Variants in PCDH15 observed in about 807,000 individuals in gnomAD.
The protein encoded by PCDH15 is protocadherin-15.
PCDH15 carries 129 observed loss-of-function variants against 178.5 expected under a neutral mutation model. That is an observed-to-expected ratio of 0.72 (90% CI 0.63 to 0.84). The LOEUF is 0.84. Ranked by LOEUF, PCDH15 falls within the 40% of genes least tolerant of loss-of-function variation. PCDH15 has a pLI of 0.00. For synonymous variants in PCDH15, 800 were observed against 732.0 expected (o/e 1.09, Z -1.50); for missense variants, 2,230 against 2,099.9 (o/e 1.06, Z -1.21).
Position 54,503,975 on chromosome 10 carries a change from G to A in PCDH15, c.157+23837C>T, listed in dbSNP as rs980313782. ...TTCCTCTTAAATGTGAACTGACCGT[G>A]GTGGTCCAATCCTAAAATCTCACTT... On this transcript the variant is annotated intron_variant, in intron 3 of 37. Transcript: ENST00000644397. Among the ~76,000 whole-genome samples the A allele has an allele frequency of 4.6e-5, 7 of 152,160 alleles. No homozygotes were observed. The South Asian group carries it at 1.0e-3, about 23-fold the overall frequency.
At position 53,805,829 on chromosome 10, in the gene PCDH15, A is replaced by AAAC. The variant is rs1202344668; in HGVS notation, c.*747_*749dup. On this transcript the variant is annotated 3_prime_UTR_variant, in exon 38 of 38. Transcript: ENST00000644397. ...AAGGGTGAGATTTCCATGTTGCTCCAAACAATTATTTAACCTCAAGTGATT... is the reference window on the plus strand; with the variant it reads ...AAGGGTGAGATTTCCATGTTGCTCCAAACAACAATTATTTAACCTCAAGTGATT... 1 of 152,098 alleles carries AAAC rather than the reference A, an allele frequency of 6.6e-6. No homozygotes were observed. Among genetic ancestry groups the AAAC allele is most frequent in the Non-Finnish European group, 1.5e-5 (1 of 68,012 alleles). The allele number at this position is 152,098 out of a possible 1,614,324, so 9.4% of individuals were successfully genotyped here.
intron 2 of PCDH15, among the ~76,000 whole-genome samples, chr10:55,476,193 A>C (rs1332071865): frequency 6.6e-6 from 1 of 152,012 alleles, no homozygotes; most frequent in Non-Finnish European, 1.5e-5. Context: ...CTAGGGTGTG[A>C]CTTATGTTTC....
intron 37 of PCDH15, chr10:53,809,496 ACTAGGCTCT>A: frequency 1.2e-6 from 2 of 1,613,170 alleles, no homozygotes; most frequent in Non-Finnish European, 1.7e-6. Flanking sequence ...CTTCCTCCTC[ACTAGGCTCT>A]CTAATTTCAA....
chr10:54,035,436 G>T (rs532573209), intron 18 of PCDH15, among the ~76,000 whole-genome samples: 39 of 151,980 alleles, frequency 2.6e-4, no homozygotes, highest in African/African-American at 9.2e-4. Flanking sequence ...CTGTTATGGT[G>T]ATCTATGATT....
chr10:53,944,487 T>C (rs1299818715), intron 23 of PCDH15, among the ~76,000 whole-genome samples: 1 of 152,232 alleles, frequency 6.6e-6, no homozygotes. Flanking sequence ...ATTTTCTCTA[T>C]TAAATTCATA....
At chr10:54,461,484 G>T (rs1233086217) in intron 3 of PCDH15, among the ~76,000 whole-genome samples, 1 of 152,074 alleles carries the variant, frequency 6.6e-6, no homozygotes, top group African/African-American at 2.4e-5. Context: ...AACCATTTGA[G>T]ATTAGACCAT....
chr10:54,220,142 G>C (rs1021605815), intron 9 of PCDH15, among the ~76,000 whole-genome samples: 1 of 152,182 alleles, frequency 6.6e-6, no homozygotes, highest in African/African-American at 2.4e-5. Flanking sequence ...ACCCAAAATG[G>C]TGAAGATAAT....
chr10:55,463,992 A>G (rs1839763114), intron 2 of PCDH15, among the ~76,000 whole-genome samples: 1 of 5,898 alleles, frequency 1.7e-4, no homozygotes, highest in Admixed American at 2.1e-3. Context: ...AGAAAGAAAG[A>G]GAAAGAAAGA....
chr10:53,983,561 T>C (rs1337403437), intron 21 of PCDH15, among the ~76,000 whole-genome samples: 5 of 152,140 alleles, frequency 3.3e-5, no homozygotes, highest in Admixed American at 6.6e-5. Context: ...AGATAGGATA[T>C]TGACACAGCT....
chr10:54,686,165 C>T (rs551452529), intron 1 of PCDH15, among the ~76,000 whole-genome samples: 7 of 148,790 alleles, frequency 4.7e-5, no homozygotes, highest in South Asian at 4.2e-4. Flanking sequence ...TGTGAGCCAC[C>T]GCACTCGGCC....
chr10:54,633,792 T>C (rs755959726), intron 2 of PCDH15, among the ~76,000 whole-genome samples: 1 of 152,120 alleles, frequency 6.6e-6, no homozygotes, highest in African/African-American at 2.4e-5. Context: ...CTAATGAATG[T>C]ACTTTCTATG....
At position 54,796,301 on chromosome 10, in the gene PCDH15, T is replaced by A. The variant is rs538630515; in HGVS notation, c.-29+4624A>T. 7.7e-4 allele frequency among the ~76,000 whole-genome samples: 116 copies of A among 150,088 alleles called. No homozygotes were observed. The South Asian group carries it at 0.024, about 31-fold the overall frequency. On this transcript the variant is annotated intron_variant, in intron 1 of 37. Coordinates refer to ENST00000644397, the MANE Select transcript of PCDH15 (RefSeq NM_001384140.1). Reference sequence around the variant, plus strand: ...ATCTATGTATCTATCTATCTATCTATCTATCTATCTATCTATCTATCATCA... The same window carrying A: ...ATCTATGTATCTATCTATCTATCTAACTATCTATCTATCTATCTATCATCA...
chr10:54,031,751 T>C (rs2093301291), intron 18 of PCDH15, among the ~76,000 whole-genome samples: 2 of 152,092 alleles, frequency 1.3e-5, no homozygotes, highest in South Asian at 4.1e-4. Flanking sequence ...CTCATGTTAA[T>C]GGTAAACACT....
At chr10:54,772,910 A>AAAT (rs1949262892) in intron 1 of PCDH15, among the ~76,000 whole-genome samples, 1 of 152,220 alleles carries the variant, frequency 6.6e-6, no homozygotes, top group Admixed American at 6.5e-5. Context: ...TGTGGTACAT[A>AAAT]AATACCATAG....
chr10:54,444,788 G>C (rs1466800013), intron 3 of PCDH15, among the ~76,000 whole-genome samples: 5 of 151,754 alleles, frequency 3.3e-5, no homozygotes, highest in African/African-American at 1.2e-4. Context: ...TTAGTCTAGT[G>C]CCTGGCATTT....
chr10:55,522,822 T>G (rs1302586523), intron 2 of PCDH15, among the ~76,000 whole-genome samples: 2 of 151,782 alleles, frequency 1.3e-5, no homozygotes, highest in Non-Finnish European at 3.0e-5. Flanking sequence ...TACTGTTAGG[T>G]AAAGATTTAT....
At chr10:55,390,572 G>C (rs943732819) in intron 2 of PCDH15, among the ~76,000 whole-genome samples, 1 of 152,150 alleles carries the variant, frequency 6.6e-6, no homozygotes, top group Non-Finnish European at 1.5e-5. Context: ...AGCATCTAGA[G>C]TGGCAAATAA....
At chr10:55,380,414 C>CT (rs1397207960) in intron 2 of PCDH15, among the ~76,000 whole-genome samples, 6 of 152,168 alleles carry the variant, frequency 3.9e-5, no homozygotes, top group African/African-American at 1.4e-4. Context: ...TTCTATACAT[C>CT]TTTTGAGTAA....
At chr10:55,531,638 A>G (rs1188551694) in intron 2 of PCDH15, among the ~76,000 whole-genome samples, 3 of 152,132 alleles carry the variant, frequency 2.0e-5, no homozygotes, top group African/African-American at 7.2e-5. Flanking sequence ...CTTGATAAGA[A>G]AGGAGAGCCA....
Sources: gnomAD v4.1 joint callset for allele counts (sites outside exome capture counted in the v4.1 genomes callset) on GRCh38, gnomAD v4.1.1 for gene constraint, MANE v1.5 for transcripts, NCBI Gene and HGNC (gene_info 2026-07-23, HGNC 2026-07-21) for gene names.